Variants in AFF1 observed in about 807,000 individuals in gnomAD.
The protein encoded by AFF1 is AF4/FMR2 family member 1.
AFF1 carries 48 observed loss-of-function variants against 121.7 expected under a neutral mutation model. The observed-to-expected ratio is 0.39, with a 90% CI of 0.31 to 0.50. AFF1 has a LOEUF of 0.50. Among genes scored for constraint, AFF1 ranks in the 20% least tolerant of loss-of-function variants. The probability of loss-of-function intolerance (pLI) is 0.76; values close to 1 mark genes in which losing one functional copy is unlikely to be tolerated. For synonymous variants in AFF1, 613 were observed against 563.0 expected (o/e 1.09, Z -1.26); for missense variants, 1,523 against 1,511.7 (o/e 1.01, Z -0.12).
intron 2 of AFF1, among the ~76,000 whole-genome samples, chr4:87,021,786 T>G (rs1381018053): frequency 2.6e-5 from 4 of 152,366 alleles, no homozygotes; most frequent in Middle Eastern, 3.4e-3. Context: ...TTATGTGTGT[T>G]TGATAAGTGA....
intron 4 of AFF1, among the ~76,000 whole-genome samples, chr4:87,081,983 G>A (rs1480441655): frequency 6.6e-6 from 1 of 152,002 alleles, no homozygotes; most frequent in African/African-American, 2.4e-5. Flanking sequence ...ATGGAGATCA[G>A]AAAGAAGTCT....
At chr4:86,952,244 G>T (rs547428163) in intron 2 of AFF1, among the ~76,000 whole-genome samples, 2 of 152,230 alleles carry the variant, frequency 1.3e-5, no homozygotes, top group African/African-American at 4.8e-5. Context: ...TTGGCATTTT[G>T]ATTGGAATCC....
At chr4:86,960,370 A>G (rs960875378) in intron 2 of AFF1, among the ~76,000 whole-genome samples, 7 of 152,062 alleles carry the variant, frequency 4.6e-5, no homozygotes, top group Non-Finnish European at 5.9e-5. Flanking sequence ...AACAGGGCAG[A>G]ATTTCTGAGT....
intron 5 of AFF1, among the ~76,000 whole-genome samples, chr4:87,086,748 C>T (rs1325975256): frequency 6.6e-6 from 1 of 152,204 alleles, no homozygotes; most frequent in Non-Finnish European, 1.5e-5. Context: ...TGCTACTTTC[C>T]TTTGCCTCCC....
intron 2 of AFF1, among the ~76,000 whole-genome samples, chr4:87,008,103 T>C (rs1726355273): frequency 6.6e-6 from 1 of 152,200 alleles, no homozygotes; most frequent in Non-Finnish European, 1.5e-5. Context: ...GACAAGGCAT[T>C]AGTGATTATT....
chr4:86,940,729 G>C (rs1720394980), intron 1 of AFF1, among the ~76,000 whole-genome samples: 2 of 152,128 alleles, frequency 1.3e-5, no homozygotes. Context: ...GTCAGTAAGT[G>C]TGTCTGCTCT....
intron 2 of AFF1, among the ~76,000 whole-genome samples, chr4:86,976,312 G>A (rs546712375): frequency 2.0e-5 from 3 of 152,254 alleles, no homozygotes; most frequent in Non-Finnish European, 4.4e-5. Context: ...AGGTAAGGAG[G>A]CAGAGAGGTG....
At chr4:87,062,284 C>T (rs541703897) in intron 4 of AFF1, among the ~76,000 whole-genome samples, 61 of 152,308 alleles carry the variant, frequency 4.0e-4, no homozygotes, top group Non-Finnish European at 3.7e-4. Context: ...CTTTCTGCCT[C>T]CAAGATGGTG....
intron 13 of AFF1, 53 bp downstream of exon 13, chr4:87,125,196 G>C: frequency 2.9e-6 from 4 of 1,379,476 alleles, no homozygotes; most frequent in Non-Finnish European, 2.9e-6. Context: ...CACTTCTTGG[G>C]TCTTGACATA....
intron 2 of AFF1, among the ~76,000 whole-genome samples, chr4:86,976,026 GAGA>G (rs943933280): frequency 1.3e-5 from 2 of 152,112 alleles, no homozygotes; most frequent in African/African-American, 4.8e-5. Flanking sequence ...GCAGGCCTAC[GAGA>G]AGAAGTGTAA....
intron 2 of AFF1, among the ~76,000 whole-genome samples, chr4:87,017,175 C>G (rs539681798): frequency 3.5e-4 from 45 of 128,868 alleles, no homozygotes; most frequent in Non-Finnish European, 1.1e-4. Context: ...TTTTGTTTGA[C>G]TTTTTGAGAA....
Position 87,131,201 on chromosome 4 carries a change from A to G in AFF1, c.3083A>G (p.Glu1028Gly), listed in dbSNP as rs761229470. 6.2e-7 allele frequency: 1 copy of G among 1,614,226 alleles called. No individual in the cohort carries two copies. The highest frequency in any genetic ancestry group is 8.5e-7 in the Non-Finnish European group (1 of 1,180,046). Residue 1028 changes from glutamate to glycine, a missense_variant, in exon 17 of 21, where the codon GAA (glutamate) becomes GGA (glycine). Around this residue, in one of 5 missense-constraint regions of AFF1, gnomAD observed 241 missense variants for 265.2 expected, o/e 0.91. Coordinates refer to ENST00000395146, the MANE Select transcript of AFF1 (RefSeq NM_001166693.3). ...AAGTCAGCTTACTCTGTCTACTCAG[A>G]AACTGTAGATCTCATTAAGTAAGTG... ...SSKSAYSVYS[E>G]TVDLIKFIMS...
Position 87,114,978 on chromosome 4 carries a change from G to A in AFF1, c.2145G>A (p.Glu715=). 6.2e-7 allele frequency: 1 copy of A among 1,613,740 alleles called. No homozygotes were observed. The highest frequency in any genetic ancestry group is 1.1e-5 in the South Asian group (1 of 91,026). Residue 715 remains glutamate (E), a synonymous_variant, in exon 12 of 21, where the codon GAG becomes GAA. Transcript: ENST00000395146. ...ACTTTGCTCTTGTTCCCCTGACTGA[G>A]AGCCAGGGCCCACCCCACAGTGGCA... ...PEHFALVPLT[E]SQGPPHSGSG... is the part of the protein sequence containing the mutation.
At position 87,105,615 on chromosome 4, in the gene AFF1, C is replaced by T. The variant is rs533171212; in HGVS notation, c.1284-13C>T. 1.7e-5 allele frequency: 28 copies of T among 1,614,124 alleles called. 1 individual carries two copies. The South Asian group carries it at 3.0e-4, about 17-fold the overall frequency. Reference sequence around the variant, plus strand: ...TTCACATTCATTCTTCTCTGTGTCCCTGCCCATTCCAGCATGCTCGAAGAC... The same window carrying T: ...TTCACATTCATTCTTCTCTGTGTCCTTGCCCATTCCAGCATGCTCGAAGAC... On this transcript the variant is annotated splice_polypyrimidine_tract_variant and intron_variant, in intron 8 of 20. Transcript: ENST00000395146.
intron 4 of AFF1, among the ~76,000 whole-genome samples, chr4:87,080,921 T>G (rs1257152715): frequency 6.6e-6 from 1 of 152,186 alleles, no homozygotes; most frequent in Non-Finnish European, 1.5e-5. Context: ...TGCAAACTTT[T>G]CAGTAGCCTC....
At position 87,134,611 on chromosome 4, in the gene AFF1, C is replaced by T. The variant is rs544786991; in HGVS notation, c.3452C>T (p.Ser1151Phe). Residue 1151 changes from serine (S) to phenylalanine (F), a missense_variant, in exon 20 of 21, where the codon TCT becomes TTT. By Grantham distance (155) the Ser-to-Phe change is radical. Transcript: ENST00000395146. ...STPVTIQNMT[S>F]SYVTITSHVL... ...CCAGTCACCATCCAGAATATGACAT[C>T]TTCCTATGTCACCATCACATCCCAT... 6.2e-7 allele frequency: 1 copy of T among 1,614,156 alleles called. No homozygotes were observed. The highest frequency in any genetic ancestry group is 1.7e-5 in the Admixed American group (1 of 60,032).
At chr4:87,013,237 T>C (rs1208713213) in intron 2 of AFF1, among the ~76,000 whole-genome samples, 1 of 150,834 alleles carries the variant, frequency 6.6e-6, no homozygotes, top group Non-Finnish European at 1.5e-5. Context: ...ATGGGGTTTC[T>C]CCATGTTGGT....
intron 2 of AFF1, among the ~76,000 whole-genome samples, chr4:86,956,333 AT>A (rs1388967620): frequency 6.6e-6 from 1 of 152,122 alleles, no homozygotes; most frequent in Non-Finnish European, 1.5e-5. Context: ...CTGAGGAAAT[AT>A]TTTTTTGGAA....
chr4:87,130,455 G>A (rs1728723761), intron 16 of AFF1, among the ~76,000 whole-genome samples: 2 of 152,230 alleles, frequency 1.3e-5, no homozygotes, highest in Admixed American at 6.5e-5. Context: ...GTGTGACAAA[G>A]TGTGTATTCA....
Sources: gnomAD v4.1 joint callset for allele counts (sites outside exome capture counted in the v4.1 genomes callset) on GRCh38, gnomAD v4.1.1 for gene constraint, gnomAD v4.1.1 regional missense constraint, MANE v1.5 for transcripts, NCBI Gene and HGNC (gene_info 2026-07-23, HGNC 2026-07-21) for gene names.